The following PSPC1 variants were observed in gnomAD, a reference collection of about 807,000 sequenced individuals.
PSPC1 encodes the protein paraspeckle protein 1.
A neutral mutation model predicts 51.6 loss-of-function variants in PSPC1; 14 were observed. The observed-to-expected ratio is 0.27, with a 90% CI of 0.18 to 0.42. The LOEUF (loss-of-function observed/expected upper bound fraction) is 0.42. Among genes scored for constraint, PSPC1 ranks in the 10% least tolerant of loss-of-function variants. The probability of loss-of-function intolerance (pLI) is 1.00; values close to 1 mark genes in which losing one functional copy is unlikely to be tolerated. For missense variants in PSPC1, 406 were observed against 701.1 expected (o/e 0.58, Z 4.75); for synonymous variants, 193 against 231.9 (o/e 0.83, Z 1.53).
intron 1 of PSPC1, among the ~76,000 whole-genome samples, chr13:19,780,839 C>A (rs1251033441): frequency 6.6e-6 from 1 of 152,138 alleles, no homozygotes; most frequent in Non-Finnish European, 1.5e-5. Context: ...TTTGTATCGT[C>A]CAGACAGAGA....
chr13:19,743,618 G>A (rs1199347395), intron 4 of PSPC1, among the ~76,000 whole-genome samples: 2 of 152,078 alleles, frequency 1.3e-5, no homozygotes, highest in African/African-American at 2.4e-5. Flanking sequence ...AGACTCAATT[G>A]GAAAACTTAA....
intron 3 of PSPC1, among the ~76,000 whole-genome samples, chr13:19,755,663 C>A (rs529060285): frequency 6.6e-6 from 1 of 151,812 alleles, no homozygotes; most frequent in Admixed American, 6.6e-5. Context: ...ATACTCTCCT[C>A]CCTTGCTTCC....
At chr13:19,719,502 A>G (rs892196327) in intron 6 of PSPC1, among the ~76,000 whole-genome samples, 37 of 152,172 alleles carry the variant, frequency 2.4e-4, no homozygotes, top group Admixed American at 4.6e-4. Flanking sequence ...AGGTTTAGTC[A>G]CGAAACAAAA....
intron 6 of PSPC1, among the ~76,000 whole-genome samples, chr13:19,712,214 A>ATT (rs908104536): frequency 3.3e-5 from 5 of 152,140 alleles, no homozygotes; most frequent in African/African-American, 1.2e-4. Flanking sequence ...TTCAATTTAT[A>ATT]TTTTTACTTT....
chr13:19,693,990 G>A (rs1313264113), intron 6 of PSPC1, among the ~76,000 whole-genome samples: 2 of 151,682 alleles, frequency 1.3e-5, no homozygotes, highest in African/African-American at 4.8e-5. Flanking sequence ...GGGTGTGGTG[G>A]CGGGCGCCTG....
intron 3 of PSPC1, among the ~76,000 whole-genome samples, chr13:19,755,681 A>AGTCT (rs1886998442): frequency 6.6e-6 from 1 of 151,910 alleles, no homozygotes; most frequent in African/African-American, 2.4e-5. Context: ...TCCAGGACAC[A>AGTCT]GTCTGATGGT....
chr13:19,695,374 G>T lies in PSPC1; in HGVS notation c.1159-17551C>A, dbSNP rs372485382. ...GAATGTAAACACACTTTTCTACATTGTACTTCCCAGCCCTAAAACTTGGAG... is the reference window on the plus strand; with the variant it reads ...GAATGTAAACACACTTTTCTACATTTTACTTCCCAGCCCTAAAACTTGGAG... On this transcript the variant is annotated intron_variant and NMD_transcript_variant, in intron 6 of 7. Transcript: ENST00000471658. Among the ~76,000 whole-genome samples the T allele has an allele frequency of 1.6e-4, 24 of 152,172 alleles. 1 individual carries two copies. The highest frequency in any genetic ancestry group is 7.7e-4 in the East Asian group (4 of 5,182).
At chr13:19,739,862 T>TAAAAAA in intron 5 of PSPC1, among the ~76,000 whole-genome samples, 1 of 129,368 alleles carries the variant, frequency 7.7e-6, no homozygotes, top group African/African-American at 2.8e-5. Context: ...GAGAGTTGTT[T>TAAAAAA]AAAAAAAAAA....
intron 1 of PSPC1, among the ~76,000 whole-genome samples, chr13:19,776,151 A>G (rs1246853967): frequency 6.6e-6 from 1 of 152,180 alleles, no homozygotes; most frequent in Non-Finnish European, 1.5e-5. Flanking sequence ...AAACAGACAT[A>G]TACATTTGTC....
intron 2 of PSPC1, among the ~76,000 whole-genome samples, chr13:19,767,410 T>C (rs369265242): frequency 2.6e-5 from 4 of 152,070 alleles, no homozygotes; most frequent in African/African-American, 9.7e-5. Context: ...ATTTTAGGGA[T>C]CAATTCCCTA....
At chr13:19,728,683 T>C (rs1757654589) in intron 6 of PSPC1, among the ~76,000 whole-genome samples, 1 of 152,188 alleles carries the variant, frequency 6.6e-6, no homozygotes, top group African/African-American at 2.4e-5. Flanking sequence ...TAAGAGGCAC[T>C]GTGAAGCTTG....
At chr13:19,719,439 G>C (rs1882502949) in intron 6 of PSPC1, among the ~76,000 whole-genome samples, 2 of 152,114 alleles carry the variant, frequency 1.3e-5, no homozygotes, top group African/African-American at 4.8e-5. Flanking sequence ...CTAGTAGCTG[G>C]AACTACAGTC....
At chr13:19,723,489 T>G (rs185929874) in intron 6 of PSPC1, among the ~76,000 whole-genome samples, 1 of 152,332 alleles carries the variant, frequency 6.6e-6, no homozygotes, top group Admixed American at 6.5e-5. Flanking sequence ...TTTATGCCTA[T>G]TGTAGGAAGT....
Position 19,685,724 on chromosome 13 carries a change from G to A in PSPC1, c.1159-7901C>T, listed in dbSNP as rs117882552. Among the ~76,000 whole-genome samples the A allele has an allele frequency of 4.6e-3, 694 of 152,258 alleles. 5 individuals carry two copies. Among genetic ancestry groups the A allele is most frequent in the South Asian group, 0.027 (129 of 4,816 alleles). On this transcript the variant is annotated intron_variant and NMD_transcript_variant, in intron 6 of 7. Transcript: ENST00000471658. ...GGAATAAGAGGGTGAAATAAATATG[G>A]AATTTTGACCATTCTAGTTTCCTTT... is the stretch of plus-strand genomic sequence containing the variant.
intron 6 of PSPC1, among the ~76,000 whole-genome samples, chr13:19,727,116 G>A (rs1221532061): frequency 6.6e-6 from 1 of 152,228 alleles, no homozygotes; most frequent in African/African-American, 2.4e-5. Context: ...CTTCTCAGCT[G>A]GGTGTGGTGG....
chr13:19,679,074 AGGCAT>A (rs1430551927), intron 6 of PSPC1: 1 of 152,242 alleles, frequency 6.6e-6, no homozygotes, highest in Non-Finnish European at 1.5e-5. Flanking sequence ...TTTTAAAACA[AGGCAT>A]GGCATAAATG....
chr13:19,750,468 A>ATG (rs1278596127), intron 4 of PSPC1, among the ~76,000 whole-genome samples: 1 of 151,160 alleles, frequency 6.6e-6, no homozygotes, highest in Non-Finnish European at 1.5e-5. Context: ...AAATATATAT[A>ATG]TATATATACA....
At chr13:19,715,844 T>A (rs1403474505) in intron 6 of PSPC1, among the ~76,000 whole-genome samples, 1 of 151,936 alleles carries the variant, frequency 6.6e-6, no homozygotes, top group Non-Finnish European at 1.5e-5. Flanking sequence ...AAACCCCGTC[T>A]CTACTAAAAA....
chr13:19,764,339 T>C (rs1461471628), intron 2 of PSPC1, among the ~76,000 whole-genome samples: 4 of 152,080 alleles, frequency 2.6e-5, no homozygotes, highest in Non-Finnish European at 5.9e-5. Context: ...AATGGCACCA[T>C]TTTACGCACT....
Sources: allele counts gnomAD v4.1 joint callset (sites outside exome capture counted in the v4.1 genomes callset), GRCh38; gene constraint gnomAD v4.1.1; transcripts MANE v1.5; gene names NCBI Gene and HGNC (gene_info 2026-07-23, HGNC 2026-07-21).